FHIT: variants seen among roughly 807,000 people sequenced by gnomAD.
FHIT encodes the protein fragile histidine triad diadenosine triphosphatase, also known as bis(5'-adenosyl)-triphosphatase.
In FHIT, 19 loss-of-function variants were observed where a neutral mutation model predicts 17.9. The observed-to-expected ratio is 1.06, with a 90% CI of 0.74 to 1.56. The LOEUF (loss-of-function observed/expected upper bound fraction) is 1.56, where lower values mean the gene tolerates loss of function less well. Among genes scored for constraint, FHIT ranks in the 40% most tolerant of loss-of-function variants. FHIT has a pLI of 0.00. For synonymous variants in FHIT, 81 were observed against 69.7 expected (o/e 1.16, Z -0.81); for missense variants, 248 against 189.2 (o/e 1.31, Z -1.82).
chr3:60,633,887 G>A (rs782626185), intron 4 of FHIT, among the ~76,000 whole-genome samples: 2 of 152,198 alleles, frequency 1.3e-5, no homozygotes, highest in East Asian at 1.9e-4. Flanking sequence ...TCAGACCCAC[G>A]GTGGTGTCCC....
chr3:61,207,060 G>A lies in FHIT; in HGVS notation c.-212-6395C>T, dbSNP rs951200025. ...TTGAATTTTGTCAAAGGCCTTTTCTGCATCTATTGAGATAATCATGTGGTT... is the reference window on the plus strand; with the variant it reads ...TTGAATTTTGTCAAAGGCCTTTTCTACATCTATTGAGATAATCATGTGGTT... On this transcript the variant is annotated intron_variant, in intron 1 of 9. Transcript: ENST00000492590. Among the ~76,000 whole-genome samples the A allele has an allele frequency of 2.0e-4, 31 of 152,228 alleles. No homozygotes were observed. In the South Asian group the frequency reaches 2.9e-3, roughly 14 times the overall value.
intron 7 of FHIT, among the ~76,000 whole-genome samples, chr3:59,989,751 C>T (rs1463108265): frequency 6.6e-6 from 1 of 152,008 alleles, no homozygotes; most frequent in African/African-American, 2.4e-5. Context: ...CCTGACCTCC[C>T]TTCCCCTGTA....
At chr3:60,335,142 G>A (rs934142363) in intron 5 of FHIT, among the ~76,000 whole-genome samples, 1 of 152,080 alleles carries the variant, frequency 6.6e-6, no homozygotes, top group Admixed American at 6.6e-5. Flanking sequence ...GATAATCTCT[G>A]ATTTGTAAAG....
chr3:60,122,848 T>C (rs1329912030), intron 5 of FHIT, among the ~76,000 whole-genome samples: 1 of 152,216 alleles, frequency 6.6e-6, no homozygotes, highest in African/African-American at 2.4e-5. Flanking sequence ...CTCAAGTGAT[T>C]TTAACTTTTA....
intron 4 of FHIT, among the ~76,000 whole-genome samples, chr3:60,570,748 A>C (rs1035307766): frequency 2.0e-5 from 3 of 150,992 alleles, no homozygotes; most frequent in African/African-American, 7.3e-5. Context: ...AAAAAAAAAA[A>C]AAAAAAACTA....
rs1175907356 is a variant in FHIT, at chr3:61,103,667, C to T, written c.-163-61568G>A. ...TTGACAGTGGGGTGTTAAAGTCTCC[C>T]AGTCTTATTGTGTGGGAGTCTATGT... On this transcript the variant is annotated intron_variant, in intron 2 of 9. Transcript: ENST00000492590. Among the ~76,000 whole-genome samples the T allele has an allele frequency of 8.4e-4, 127 of 152,040 alleles. 1 individual carries two copies. Among genetic ancestry groups the T allele is most frequent in the Non-Finnish European group, 5.9e-5 (4 of 68,014 alleles).
chr3:60,501,540 C>T (rs910796300), intron 5 of FHIT, among the ~76,000 whole-genome samples: 2 of 152,166 alleles, frequency 1.3e-5, no homozygotes, highest in Non-Finnish European at 2.9e-5. Flanking sequence ...ATGGAAGTCA[C>T]AATTATTTGG....
intron 5 of FHIT, among the ~76,000 whole-genome samples, chr3:60,429,126 G>A (rs1226807775): frequency 6.6e-6 from 1 of 151,910 alleles, no homozygotes; most frequent in Non-Finnish European, 1.5e-5. Flanking sequence ...ACAAAACAAT[G>A]ACACAACTTT....
chr3:60,327,617 C>T (rs898351982), intron 5 of FHIT, among the ~76,000 whole-genome samples: 11 of 152,158 alleles, frequency 7.2e-5, no homozygotes, highest in African/African-American at 2.4e-4. Context: ...TAACTCCAAA[C>T]CAGCCAACCC....
intron 3 of FHIT, among the ~76,000 whole-genome samples, chr3:60,887,226 C>T (rs1453432609): frequency 2.0e-5 from 3 of 152,112 alleles, no homozygotes; most frequent in Non-Finnish European, 2.9e-5. Flanking sequence ...TGACTTCTTC[C>T]GATCCCTATT....
rs929041541 is a variant in FHIT, at chr3:60,058,332, T to C, written c.104-44180A>G. On this transcript the variant is annotated intron_variant, in intron 5 of 9. Transcript: ENST00000492590. ...TTTTAGTAGAGATGGGGTTTCACCA[T>C]GTTGGGCAGGATGGTCTGGATCTCT... Among the ~76,000 whole-genome samples, 20 of 152,052 alleles carry C rather than the reference T, an allele frequency of 1.3e-4. No homozygotes were observed. The Middle Eastern group carries it at 0.014, about 103-fold the overall frequency.
chr3:60,211,157 A>G (rs577401241), intron 5 of FHIT, among the ~76,000 whole-genome samples: 61 of 151,672 alleles, frequency 4.0e-4, no homozygotes, highest in African/African-American at 1.4e-3. Context: ...TCTCCAGGCT[A>G]TTTTTCTAAA....
chr3:60,132,218 A>T (rs1699624301), intron 5 of FHIT, among the ~76,000 whole-genome samples: 1 of 152,040 alleles, frequency 6.6e-6, no homozygotes, highest in Admixed American at 6.6e-5. Context: ...CTGATTGATC[A>T]TTGTGTTATC....
intron 8 of FHIT, among the ~76,000 whole-genome samples, chr3:59,911,703 G>C (rs1559723204): frequency 6.6e-6 from 1 of 152,200 alleles, no homozygotes; most frequent in African/African-American, 2.4e-5. Context: ...TGTAATAACT[G>C]AGGTAAAAGT....
chr3:61,127,735 A>G (rs976512301), intron 2 of FHIT, among the ~76,000 whole-genome samples: 45 of 151,924 alleles, frequency 3.0e-4, no homozygotes, highest in Non-Finnish European at 4.4e-4. Flanking sequence ...TTTGTATTAC[A>G]GGGTGTGGCC....
chr3:60,341,382 G>C (rs567523303), intron 5 of FHIT, among the ~76,000 whole-genome samples: 1 of 152,294 alleles, frequency 6.6e-6, no homozygotes, highest in South Asian at 2.1e-4. Flanking sequence ...GTTCAAATAA[G>C]CACTGCATTT....
chr3:60,245,868 C>A lies in FHIT; in HGVS notation c.104-231716G>T, dbSNP rs116290862. 2.9e-3 allele frequency among the ~76,000 whole-genome samples: 446 copies of A among 152,104 alleles called. 2 individuals are homozygous for A. Among genetic ancestry groups the A allele is most frequent in the African/African-American group, 0.01 (428 of 41,512 alleles). On this transcript the variant is annotated intron_variant, in intron 5 of 9. Transcript: ENST00000492590. Reference sequence around the variant, plus strand: ...GGCATTAACAAGAACTGGAAAAAAACTATCTGTATGTACATTTTATGTGAC... The same window carrying A: ...GGCATTAACAAGAACTGGAAAAAAAATATCTGTATGTACATTTTATGTGAC...
chr3:60,503,467 C>T (rs2034602753), intron 5 of FHIT, among the ~76,000 whole-genome samples: 1 of 152,094 alleles, frequency 6.6e-6, no homozygotes, highest in African/African-American at 2.4e-5. Flanking sequence ...TCTTTGAATA[C>T]TTCACTCCTA....
chr3:60,425,766 C>G (rs1044822185), intron 5 of FHIT, among the ~76,000 whole-genome samples: 1 of 151,552 alleles, frequency 6.6e-6, no homozygotes, highest in Non-Finnish European at 1.5e-5. Context: ...AATTACACAC[C>G]ACCCAATTAA....
Sources: gnomAD v4.1 joint callset for allele counts (sites outside exome capture counted in the v4.1 genomes callset) on GRCh38, gnomAD v4.1.1 for gene constraint, MANE v1.5 for transcripts, NCBI Gene and HGNC (gene_info 2026-07-23, HGNC 2026-07-21) for gene names.